Variants in RELN observed in about 807,000 individuals in gnomAD.
The protein encoded by RELN is reelin.
Under a neutral mutation model 427.6 loss-of-function variants are expected in RELN, and 108 were observed. The observed-to-expected ratio is 0.25, with a 90% CI of 0.22 to 0.30. The LOEUF (loss-of-function observed/expected upper bound fraction) is 0.30, where lower values mean the gene tolerates loss of function less well. RELN is among the 10% of genes least tolerant of loss of function. RELN has a pLI of 1.00. For missense variants in RELN, 3,715 were observed against 4,302.8 expected (o/e 0.86, Z 3.82); for synonymous variants, 1,524 against 1,513.4 (o/e 1.01, Z -0.16).
At chr7:103,788,094 A>T (rs553281594) in intron 3 of RELN, among the ~76,000 whole-genome samples, 28 of 152,340 alleles carry the variant, frequency 1.8e-4, no homozygotes, top group African/African-American at 6.5e-4. Context: ...AAACCACATG[A>T]TTATCACAAT....
intron 3 of RELN, among the ~76,000 whole-genome samples, chr7:103,779,628 G>C (rs1034700274): frequency 2.0e-5 from 3 of 152,174 alleles, no homozygotes; most frequent in African/African-American, 7.2e-5. Context: ...TTGCTTTTAA[G>C]CATTACAGCA....
chr7:103,857,132 T>A (rs1025621903), intron 2 of RELN, among the ~76,000 whole-genome samples: 6 of 152,148 alleles, frequency 3.9e-5, no homozygotes, highest in African/African-American at 1.4e-4. Flanking sequence ...TCTGCTTATA[T>A]CATCTGCTCA....
At chr7:103,622,295 C>T (rs948897791) in intron 20 of RELN, among the ~76,000 whole-genome samples, 1 of 152,158 alleles carries the variant, frequency 6.6e-6, no homozygotes, top group Non-Finnish European at 1.5e-5. Context: ...ATCCCTTAGG[C>T]AGGTCCTGAT....
rs575312077 is a variant in RELN, at chr7:103,521,988, A to G, written c.7668+34T>C. On this transcript the variant is annotated intron_variant, in intron 48 of 64. Transcript: ENST00000428762. The stretch of plus-strand genomic sequence containing the variant: ...AACTATTTGGAAGGAACTTAAGAAG[A>G]GCAGAAATGAGTAACCAGCAGCCAA... The G allele has an allele frequency of 5.0e-6, 8 of 1,609,530 alleles. No individual in the cohort carries two copies. The South Asian group carries it at 8.8e-5, about 18-fold the overall frequency.
intron 20 of RELN, among the ~76,000 whole-genome samples, chr7:103,624,850 T>C (rs1171919002): frequency 2.0e-5 from 3 of 152,170 alleles, no homozygotes; most frequent in Non-Finnish European, 2.9e-5. Flanking sequence ...CTAGTACCAG[T>C]GATTTACTTG....
chr7:103,723,717 T>C (rs1790134230), intron 7 of RELN, among the ~76,000 whole-genome samples: 1 of 152,154 alleles, frequency 6.6e-6, no homozygotes. Context: ...TGGTCTAAAA[T>C]TGACTGTAAT....
intron 4 of RELN, among the ~76,000 whole-genome samples, chr7:103,758,849 AGAT>A: frequency 6.6e-6 from 1 of 151,732 alleles, no homozygotes; most frequent in East Asian, 1.9e-4. Flanking sequence ...GGGCCTATCC[AGAT>A]GATGTTTTGG....
chr7:103,606,538 T>C (rs1831824218), intron 22 of RELN, among the ~76,000 whole-genome samples: 1 of 151,168 alleles, frequency 6.6e-6, no homozygotes, highest in African/African-American at 2.4e-5. Flanking sequence ...AGCTCTCAAA[T>C]ATAATGATTC....
intron 49 of RELN, among the ~76,000 whole-genome samples, chr7:103,517,017 T>C (rs149763602): frequency 5.3e-5 from 8 of 152,328 alleles, no homozygotes; most frequent in African/African-American, 1.2e-4. Flanking sequence ...TAATGGATCT[T>C]AGTCTTAGGG....
intron 46 of RELN, among the ~76,000 whole-genome samples, chr7:103,525,289 T>C (rs1172270705): frequency 1.3e-5 from 2 of 152,222 alleles, no homozygotes; most frequent in Non-Finnish European, 2.9e-5. Flanking sequence ...TTTCCTCTTA[T>C]AGTATTTGTC....
chr7:103,776,754 A>C (rs1563006992), intron 3 of RELN, 127 bp from the exon 4 acceptor site: 1 of 916,280 alleles, frequency 1.1e-6, no homozygotes, highest in South Asian at 1.4e-5. Context: ...TAATGAGTAC[A>C]TCAGAAGAGT....
At chr7:103,676,343 C>T (rs1049000825) in intron 11 of RELN, among the ~76,000 whole-genome samples, 22 of 152,106 alleles carry the variant, frequency 1.4e-4, no homozygotes, top group Admixed American at 6.5e-4. Context: ...CAGTGAGATA[C>T]CATCTCACAC....
intron 63 of RELN, among the ~76,000 whole-genome samples, chr7:103,479,501 A>G (rs1828154144): frequency 6.6e-6 from 1 of 152,186 alleles, no homozygotes; most frequent in Non-Finnish European, 1.5e-5. Context: ...GCAGATTAGC[A>G]GGGGCTAATC....
chr7:103,976,228 G>A (rs1363324597), intron 1 of RELN, among the ~76,000 whole-genome samples: 2 of 152,146 alleles, frequency 1.3e-5, no homozygotes, highest in Non-Finnish European at 2.9e-5. Context: ...TACTTTTGTT[G>A]GTAAAATGCT....
chr7:103,478,973 T>C (rs759754368), intron 63 of RELN, among the ~76,000 whole-genome samples: 5 of 152,182 alleles, frequency 3.3e-5, no homozygotes, highest in African/African-American at 9.6e-5. Context: ...TTCTGATAAA[T>C]GCTTTTAAGA....
chr7:103,790,223 T>C lies in RELN; in HGVS notation c.474-13596A>G, dbSNP rs139402103. On this transcript the variant is annotated intron_variant, in intron 3 of 64. Coordinates refer to ENST00000428762, the MANE Select transcript of RELN (RefSeq NM_005045.4). ...AGGGGAGTGATAGCATTGGGAGAAATACCTAATGTAGATGATGGGTTGACG... is the reference window on the plus strand; with the variant it reads ...AGGGGAGTGATAGCATTGGGAGAAACACCTAATGTAGATGATGGGTTGACG... Among the ~76,000 whole-genome samples the C allele has an allele frequency of 6.1e-3, 933 of 152,074 alleles. 7 individuals are homozygous for C. The highest frequency in any genetic ancestry group is 0.021 in the African/African-American group (878 of 41,498).
Position 103,636,289 on chromosome 7 carries a change from T to G in RELN, c.2249A>C (p.Asn750Thr). The change falls in exon 18 of 65, where the codon AAC (asparagine) becomes ACC (threonine). Residue 750 changes from asparagine (N) to threonine (T), a missense_variant. Around this residue, in one of 4 missense-constraint regions of RELN, gnomAD observed 2,208 missense variants for 2,361.7 expected, o/e 0.93. Coordinates refer to ENST00000428762, the MANE Select transcript of RELN (RefSeq NM_005045.4). ...VLASGKALVF[N>T]KDGRRQLITS... ...AATTAGCTGACGCCGCCCATCTTTG[T>G]TGAAAACCAGGGCCTTACCACTGGC... is the stretch of plus-strand genomic sequence containing the variant. The G allele has an allele frequency of 6.2e-7, 1 of 1,614,054 alleles. No homozygotes were observed. Among genetic ancestry groups the G allele is most frequent in the Non-Finnish European group, 8.5e-7 (1 of 1,179,980 alleles).
intron 9 of RELN, among the ~76,000 whole-genome samples, chr7:103,698,510 A>T (rs113465702): frequency 0.014 from 2,195 of 152,196 alleles, 61 homozygotes; most frequent in African/African-American, 0.05. Context: ...TAAAAAATAT[A>T]AAAGTGTGAT....
Position 103,523,537 on chromosome 7 carries a change from A to C in RELN, c.7350-6T>G, listed in dbSNP as rs779911265. The C allele has an allele frequency of 6.8e-6, 11 of 1,613,930 alleles. No homozygotes were observed. The highest frequency in any genetic ancestry group is 1.3e-5 in the African/African-American group (1 of 74,862). On this transcript the variant is annotated splice_polypyrimidine_tract_variant and splice_region_variant and intron_variant, in intron 46 of 64. Transcript: ENST00000428762. ...GGAAACGAGTGGCTTGGGACCTTTG[A>C]AGAAGATGAGAATTTTAATGAAGGA...
Sources: gnomAD v4.1 joint callset for allele counts (sites outside exome capture counted in the v4.1 genomes callset) on GRCh38, gnomAD v4.1.1 for gene constraint, gnomAD v4.1.1 regional missense constraint, MANE v1.5 for transcripts, NCBI Gene and HGNC (gene_info 2026-07-23, HGNC 2026-07-21) for gene names.